ACTN3: variants seen among roughly 807,000 people sequenced by gnomAD.
ACTN3 encodes alpha-actinin-3.
ACTN3 carries 91 observed loss-of-function variants against 119.6 expected under a neutral mutation model. The observed-to-expected ratio is 0.76, with a 90% confidence interval of 0.64 to 0.91. The LOEUF is 0.91. Among genes scored for constraint, ACTN3 ranks in the 40% least tolerant of loss-of-function variants. The pLI is 0.00. For synonymous variants in ACTN3, 456 were observed against 478.8 expected (o/e 0.95, Z 0.62); for missense variants, 1,221 against 1,215.1 (o/e 1.00, Z -0.07).
intron 5 of ACTN3, 77 bp from the exon 6 acceptor site, chr11:66,555,053 G>A: frequency 7.6e-7 from 1 of 1,316,710 alleles, no homozygotes; most frequent in South Asian, 1.2e-5. Flanking sequence ...TGTCCTTCTG[G>A]GGGGTGCTCC....
chr11:66,555,963 G>A (rs1420252330), intron 7 of ACTN3, among the ~76,000 whole-genome samples, 182 bp from the exon 8 acceptor site: 1 of 152,220 alleles, frequency 6.6e-6, no homozygotes, highest in Non-Finnish European at 1.5e-5. Flanking sequence ...TGGGGAGATG[G>A]GGAAGTTGCT....
At position 66,560,298 on chromosome 11, in the gene ACTN3, T is replaced by C. The variant is rs776939893; in HGVS notation, c.1664T>C (p.Val555Ala). ...DLQDVWLVHSVEETQSLLTAH... is the reference protein window; with the variant it reads ...DLQDVWLVHSAEETQSLLTAH... ...CAGGACGTGTGGCTGGTACACTCTGTGGAGGAGACCCAGGTGGGTGCCAGG... is the reference window on the plus strand; with the variant it reads ...CAGGACGTGTGGCTGGTACACTCTGCGGAGGAGACCCAGGTGGGTGCCAGG... Residue 555 changes from valine to alanine, a missense_variant, in exon 14 of 21, where the codon GTG (valine) becomes GCG (alanine). Transcript: ENST00000513398. 2.2e-5 allele frequency: 36 copies of C among 1,612,820 alleles called. 1 individual carries two copies. The highest frequency in any genetic ancestry group is 2.7e-5 in the Non-Finnish European group (32 of 1,179,504).
chr11:66,560,154 A>G lies in ACTN3; in HGVS notation c.1537-17A>G. 6.3e-7 allele frequency: 1 copy of G among 1,587,318 alleles called. No individual in the cohort carries two copies. The highest frequency in any genetic ancestry group is 1.7e-4 in the Middle Eastern group (1 of 5,966). ...CTGCAGGGCAGGCTTCTGACCCACT[A>G]CGCCTCCCACCTCTAGCGGATGGAG... On this transcript the variant is annotated splice_polypyrimidine_tract_variant and intron_variant, in intron 13 of 20. Transcript: ENST00000513398.
At position 66,563,067 on chromosome 11, in the gene ACTN3, G is replaced by C. The variant is rs1411764603; in HGVS notation, c.2580G>C (p.Glu860Asp). Residue 860 changes from glutamate (E) to aspartate (D), a missense_variant, in exon 21 of 21, where the codon GAG becomes GAC. Physicochemically the swap from Glu to Asp is conservative, Grantham distance 45. Around this residue, in one of 3 missense-constraint regions of ACTN3, gnomAD observed 934 missense variants for 899.9 expected, o/e 1.04. Coordinates refer to ENST00000513398, the MANE Select transcript of ACTN3 (RefSeq NM_001104.4). ...TCACCCCCGAGGAGCTGCGGCGCGA[G>C]CTCCCTGCCAAGCAGGCCGAGTACT... The part of the protein sequence containing the change: ...NYITPEELRR[E>D]LPAKQAEYCI... The C allele has an allele frequency of 6.2e-7, 1 of 1,612,604 alleles. No individual in the cohort carries two copies. Among genetic ancestry groups the C allele is most frequent in the Non-Finnish European group, 8.5e-7 (1 of 1,179,326 alleles).
chr11:66,547,040 C>A lies in ACTN3; in HGVS notation c.103C>A (p.Arg35Ser), dbSNP rs201200629. The A allele has an allele frequency of 3.4e-5, 52 of 1,511,482 alleles. No homozygotes were observed. In the African/African-American group the frequency reaches 5.3e-4, roughly 15 times the overall value. The allele number at this position is 1,511,482 out of a possible 1,614,324, so 93.6% of individuals were successfully genotyped here. Residue 35 changes from arginine (R) to serine (S), a missense_variant, in exon 1 of 21, where the codon CGC (arginine) becomes AGC (serine). Coordinates refer to ENST00000513398, the MANE Select transcript of ACTN3 (RefSeq NM_001104.4). ...EYMEQEEDWD[R>S]DLLLDPAWEK... ...CATGGAACAGGAGGAGGACTGGGACCGCGACCTGCTGCTGGACCCGGCCTG... is the reference window on the plus strand; with the variant it reads ...CATGGAACAGGAGGAGGACTGGGACAGCGACCTGCTGCTGGACCCGGCCTG...
intron 19 of ACTN3, 100 bp from the exon 20 acceptor site, chr11:66,562,696 G>C: frequency 7.5e-7 from 1 of 1,332,652 alleles, no homozygotes; most frequent in Non-Finnish European, 1.0e-6. Context: ...TTGTTACTGG[G>C]GCTCTGCTAG....
intron 8 of ACTN3, 145 bp from the exon 9 acceptor site, chr11:66,556,988 C>G (rs1359754611): frequency 3.2e-6 from 2 of 623,794 alleles, no homozygotes; most frequent in African/African-American, 3.7e-5. Context: ...GTTTCGATCT[C>G]CTGACCTCGT....
intron 3 of ACTN3, among the ~76,000 whole-genome samples, chr11:66,552,936 A>C (rs923718865): frequency 6.6e-6 from 1 of 151,272 alleles, no homozygotes; most frequent in African/African-American, 2.4e-5. Flanking sequence ...ATCTCAAAAA[A>C]TTCCCAAAAC....
intron 3 of ACTN3, among the ~76,000 whole-genome samples, chr11:66,552,207 G>C (rs1857487262): frequency 1.3e-5 from 2 of 151,550 alleles, no homozygotes; most frequent in African/African-American, 4.9e-5. Flanking sequence ...GTAAAACCCT[G>C]TCTCTACTAA....
In ACTN3 at chr11:66,558,083, G is replaced by A. The variant is rs1040736871; in HGVS notation, c.1185G>A (p.Trp395Ter). ...AGGTGGAAAAGGGCTATGAGGACTG[G>A]CTGCTCTCGGAGATCCGGCGCCTGC... Reference protein sequence around the residue: ...LEQVEKGYEDWLLSEIRRLQR... With the variant: ...LEQVEKGYED The change falls in exon 11 of 21, where the codon TGG (tryptophan) becomes TGA (stop). Residue 395 changes from tryptophan to a stop codon, truncating the protein, a stop_gained. Coordinates refer to ENST00000513398, the MANE Select transcript of ACTN3 (RefSeq NM_001104.4). LOFTEE classifies it high-confidence loss of function. 1.9e-6 allele frequency: 3 copies of A among 1,613,702 alleles called. No homozygotes were observed. Among genetic ancestry groups the A allele is most frequent in the Non-Finnish European group, 2.5e-6 (3 of 1,179,882 alleles).
chr11:66,559,365 C>A lies in ACTN3; in HGVS notation c.1406C>A (p.Ala469Asp). 6.4e-7 allele frequency: 1 copy of A among 1,552,814 alleles called. No individual in the cohort carries two copies. The highest frequency in any genetic ancestry group is 8.7e-7 in the Non-Finnish European group (1 of 1,155,202). The stretch of plus-strand genomic sequence containing the variant: ...CACCAGGACCGCGTGGAGCACATTG[C>A]CGCGCTGGCCCAGGAGCTCAAGTAG... ...AAHQDRVEHI[A>D]ALAQELNELD... is the part of the protein sequence containing the mutation. Residue 469 changes from alanine (A) to aspartate (D), a missense_variant, in exon 12 of 21, where the codon GCC becomes GAC. Around this residue, in one of 3 missense-constraint regions of ACTN3, gnomAD observed 934 missense variants for 899.9 expected, o/e 1.04. Coordinates refer to ENST00000513398, the MANE Select transcript of ACTN3 (RefSeq NM_001104.4).
At chr11:66,549,308 C>A (rs1242286354) in intron 1 of ACTN3, among the ~76,000 whole-genome samples, 1 of 152,176 alleles carries the variant, frequency 6.6e-6, no homozygotes, top group Non-Finnish European at 1.5e-5. Context: ...CTCGCCTTCC[C>A]CAAGAGGGGA....
At chr11:66,550,315 G>T (rs550714714) in intron 1 of ACTN3, among the ~76,000 whole-genome samples, 1 of 152,328 alleles carries the variant, frequency 6.6e-6, no homozygotes, top group African/African-American at 2.4e-5. Flanking sequence ...AGGACCTGAA[G>T]GGCGGTAGGT....
chr11:66,560,783 A>C (rs1565309231), intron 15 of ACTN3, 28 bp downstream of exon 15: 2 of 1,577,480 alleles, frequency 1.3e-6, no homozygotes, highest in Non-Finnish European at 1.7e-6. Context: ...CCTTCCTCCC[A>C]CCCCCTCCTG....
In ACTN3 at chr11:66,560,161, C is replaced by T; in HGVS notation, c.1537-10C>T. On this transcript the variant is annotated splice_polypyrimidine_tract_variant and intron_variant, in intron 13 of 20. Transcript: ENST00000513398. The stretch of plus-strand genomic sequence containing the variant: ...GCAGGCTTCTGACCCACTACGCCTC[C>T]CACCTCTAGCGGATGGAGAAGCTCC... 1 of 1,595,640 alleles carries T rather than the reference C, an allele frequency of 6.3e-7. No individual in the cohort carries two copies. Among genetic ancestry groups the T allele is most frequent in the Non-Finnish European group, 8.5e-7 (1 of 1,171,404 alleles).
Position 66,548,761 on chromosome 11 carries a change from T to G in ACTN3, c.147+1677T>G, listed in dbSNP as rs911160505. The stretch of plus-strand genomic sequence containing the variant: ...CCTCCTCCCACCTGATGTCTTACCA[T>G]GTGCCAGCGCTGTTTCAGGTGCTGG... On this transcript the variant is annotated intron_variant, in intron 1 of 20. Coordinates refer to ENST00000513398, the MANE Select transcript of ACTN3 (RefSeq NM_001104.4). 4.8e-4 allele frequency among the ~76,000 whole-genome samples: 73 copies of G among 152,264 alleles called. 1 individual carries two copies. The highest frequency in any genetic ancestry group is 1.8e-3 in the African/African-American group (73 of 41,540).
At chr11:66,562,448 C>A (rs2134944142) in intron 19 of ACTN3, 126 bp downstream of exon 19, 2 of 1,151,654 alleles carry the variant, frequency 1.7e-6, no homozygotes, top group East Asian at 2.4e-5. Context: ...CACACAGGGG[C>A]TAGCAAGGCT....
In ACTN3 at chr11:66,549,716, C is replaced by T. The variant is rs117569537; in HGVS notation, c.148-1523C>T. Among the ~76,000 whole-genome samples the T allele has an allele frequency of 1.5e-3, 187 of 121,604 alleles. 4 individuals carry two copies. In the East Asian group the frequency reaches 0.039, roughly 26 times the overall value. The allele number at this position is 121,604 out of a possible 152,430, so 79.8% of individuals were successfully genotyped here. ...ATTGCACTCCAGTCTGGGCAACAAG[C>T]GCGAAACTCTGTCTCCAAAAAAAAA... On this transcript the variant is annotated intron_variant, in intron 1 of 20. Coordinates refer to ENST00000513398, the MANE Select transcript of ACTN3 (RefSeq NM_001104.4).
At chr11:66,559,205 G>C in intron 11 of ACTN3, 31 bp from the exon 12 acceptor site, 1 of 1,460,306 alleles carries the variant, frequency 6.8e-7, no homozygotes. Context: ...TGCCGCCACT[G>C]GGTGACCGGA....
Sources: gnomAD v4.1 joint callset for allele counts (sites outside exome capture counted in the v4.1 genomes callset) on GRCh38, gnomAD v4.1.1 for gene constraint, gnomAD v4.1.1 regional missense constraint, MANE v1.5 for transcripts, NCBI Gene and HGNC (gene_info 2026-07-23, HGNC 2026-07-21) for gene names.